The following ARHGEF7 variants were observed in gnomAD, a reference collection of about 807,000 sequenced individuals.
The protein encoded by ARHGEF7 is PAK-interacting exchange factor beta.
ARHGEF7 carries 33 observed loss-of-function variants against 109.8 expected under a neutral mutation model. That is an observed-to-expected ratio of 0.30 (90% CI 0.23 to 0.40). The LOEUF is 0.40. Ranked by LOEUF, ARHGEF7 falls within the 10% of genes least tolerant of loss-of-function variation. The probability of loss-of-function intolerance (pLI) is 1.00; values close to 1 mark genes in which losing one functional copy is unlikely to be tolerated. For synonymous variants in ARHGEF7, 458 were observed against 424.6 expected, an observed-to-expected ratio of 1.08 and a Z score of -0.97; for missense variants, 938 against 1,098.5, an observed-to-expected ratio of 0.85 and a Z score of 2.07.
chr13:111,155,162 C>T (rs566629680), intron 2 of ARHGEF7, among the ~76,000 whole-genome samples: 1 of 152,276 alleles, frequency 6.6e-6, no homozygotes, highest in African/African-American at 2.4e-5. Context: ...TTGGTATCCA[C>T]CGGGATCCTG....
In ARHGEF7 at chr13:111,205,311, A is replaced by T; in HGVS notation, c.275A>T (p.Tyr92Phe). 1 of 1,602,820 alleles carries T rather than the reference A, an allele frequency of 6.2e-7. No homozygotes were observed. Among genetic ancestry groups the T allele is most frequent in the Non-Finnish European group, 8.5e-7 (1 of 1,177,502 alleles). The change falls in exon 3 of 22, where the codon TAT becomes TTT. Residue 92 changes from tyrosine to phenylalanine, a missense_variant. By Grantham distance (22) the Tyr-to-Phe change is conservative. Around this residue, in one of 4 missense-constraint regions of ARHGEF7, gnomAD observed 165 missense variants for 125.8 expected, o/e 1.31. Transcript: ENST00000646102. ...RLETFDANDL[Y>F]QGQNFNKVLS... Reference sequence around the variant, plus strand: ...CAGACGTTTGATGCAAATGATTTGTATCAGGGGCAGAATTTTAACAAGGTC... The same window carrying T: ...CAGACGTTTGATGCAAATGATTTGTTTCAGGGGCAGAATTTTAACAAGGTC...
In ARHGEF7 at chr13:111,254,592, G is replaced by C. The variant is rs147769189; in HGVS notation, c.950+10298G>C. 6.4e-3 allele frequency among the ~76,000 whole-genome samples: 953 copies of C among 148,826 alleles called. 30 individuals carry two copies. Among genetic ancestry groups the C allele is most frequent in the African/African-American group, 0.022 (874 of 39,090 alleles). On this transcript the variant is annotated intron_variant, in intron 8 of 21. Transcript: ENST00000646102. ...ACTAACGTGAAGGCTGGCCTCAGAA[G>C]AGGATTCGGGCTAAGGCGCTGAGTC...
At chr13:111,159,109 A>G (rs1232679019) in intron 2 of ARHGEF7, 1 of 717,548 alleles carries the variant, frequency 1.4e-6, no homozygotes. Context: ...GCTTTTTTAC[A>G]CTTTACATAT....
rs767894678 is a variant in ARHGEF7 at position 111,115,655 on chromosome 13, G to A, written c.129G>A (p.Arg43=). The change falls in exon 1 of 22, where the codon AGG becomes AGA. Residue 43 remains arginine, a synonymous_variant. Transcript: ENST00000646102. ...ASLKDGVVLC[R]LLERLLPGTI... is the part of the protein sequence containing the mutation. ...TGAAGGATGGGGTGGTCCTCTGCAGGCTGCTGGAGCGCCTGCTCCCCGGGA... is the reference window on the plus strand; with the variant it reads ...TGAAGGATGGGGTGGTCCTCTGCAGACTGCTGGAGCGCCTGCTCCCCGGGA... The A allele has an allele frequency of 1.5e-6, 2 of 1,334,232 alleles. No individual in the cohort carries two copies. Among genetic ancestry groups the A allele is most frequent in the Admixed American group, 2.8e-5 (1 of 35,202 alleles). The allele number at this position is 1,334,232 out of a possible 1,614,324, so 82.6% of individuals were successfully genotyped here.
At chr13:111,246,993 T>C (rs540284279) in intron 8 of ARHGEF7, among the ~76,000 whole-genome samples, 2 of 152,348 alleles carry the variant, frequency 1.3e-5, no homozygotes, top group African/African-American at 4.8e-5. Flanking sequence ...TCAGTCCTTA[T>C]GTTATCTCAG....
chr13:111,301,351 A>G (rs2093562161), intron 20 of ARHGEF7, 127 bp from the exon 21 acceptor site: 1 of 751,574 alleles, frequency 1.3e-6, no homozygotes, highest in African/African-American at 1.8e-5. Flanking sequence ...GAATGTAGAC[A>G]GTACATGGGT....
chr13:111,280,361 C>T lies in ARHGEF7; in HGVS notation c.1585+11C>T, dbSNP rs1567061995. The T allele has an allele frequency of 1.2e-6, 2 of 1,612,104 alleles. No homozygotes were observed. The highest frequency in any genetic ancestry group is 1.1e-5 in the South Asian group (1 of 90,784). The stretch of plus-strand genomic sequence containing the variant: ...CATTTGAAATATCAGGTGATAGGCA[C>T]AAGCTGTGTGAGTGCTGTGTCTCGG... On this transcript the variant is annotated intron_variant, in intron 14 of 21. Coordinates refer to ENST00000646102, the MANE Select transcript of ARHGEF7 (RefSeq NM_001354046.2).
At position 111,239,480 on chromosome 13, in the gene ARHGEF7, G is replaced by T. The variant is rs776900129; in HGVS notation, c.760-4392G>T. Reference sequence around the variant, plus strand: ...AGGAGGAAAACCTGAGCCTCCTGGTGACAGGGTGTCTTCGGTCTCCATCCA... The same window carrying T: ...AGGAGGAAAACCTGAGCCTCCTGGTTACAGGGTGTCTTCGGTCTCCATCCA... On this transcript the variant is annotated intron_variant, in intron 6 of 21. Transcript: ENST00000646102. The surrounding 1 kb of genome is among the most constrained non-coding windows in gnomAD (Gnocchi z 4.3). Among the ~76,000 whole-genome samples the T allele has an allele frequency of 1.3e-5, 2 of 152,148 alleles. No homozygotes were observed. Among genetic ancestry groups the T allele is most frequent in the Non-Finnish European group, 2.9e-5 (2 of 68,024 alleles).
intron 4 of ARHGEF7, among the ~76,000 whole-genome samples, chr13:111,212,134 C>A (rs1291139555): frequency 1.3e-5 from 2 of 152,188 alleles, no homozygotes; most frequent in East Asian, 3.9e-4. Context: ...CCGTCAGCCC[C>A]CTGCCTCGGG....
chr13:111,297,414 C>A (rs2093451546), intron 19 of ARHGEF7, among the ~76,000 whole-genome samples: 1 of 152,220 alleles, frequency 6.6e-6, no homozygotes, highest in Non-Finnish European at 1.5e-5. Context: ...TTCTCGCATG[C>A]TTTAAGTGTA....
chr13:111,244,172 G>T, intron 7 of ARHGEF7, 27 bp from the exon 8 acceptor site: 1 of 1,499,952 alleles, frequency 6.7e-7, no homozygotes, highest in South Asian at 1.2e-5. Flanking sequence ...GTTTACATAT[G>T]TTTACTGTTA....
intron 2 of ARHGEF7, among the ~76,000 whole-genome samples, chr13:111,176,199 G>A (rs2078145828): frequency 6.6e-6 from 1 of 152,186 alleles, no homozygotes; most frequent in Non-Finnish European, 1.5e-5. Flanking sequence ...TGATGGAAGT[G>A]TGGATTTTAG....
intron 1 of ARHGEF7, among the ~76,000 whole-genome samples, chr13:111,141,358 GTTT>G (rs34639240): frequency 6.8e-6 from 1 of 146,940 alleles, no homozygotes; most frequent in African/African-American, 2.5e-5. Context: ...CCGTCCCCAT[GTTT>G]TTTTTTTTTA....
chr13:111,283,095 C>T (rs757631134), intron 15 of ARHGEF7, 44 bp from the exon 16 acceptor site: 16 of 1,550,080 alleles, frequency 1.0e-5, no homozygotes, highest in South Asian at 8.3e-5. Context: ...GGTGAGCACG[C>T]GAGTCTCATG....
At chr13:111,171,696 G>A (rs555149309) in intron 2 of ARHGEF7, among the ~76,000 whole-genome samples, 41 of 152,318 alleles carry the variant, frequency 2.7e-4, no homozygotes, top group African/African-American at 7.5e-4. Flanking sequence ...AGAGAAAAAG[G>A]AATGAGCCTC....
intron 2 of ARHGEF7, among the ~76,000 whole-genome samples, chr13:111,181,875 C>T (rs996323641): frequency 6.6e-6 from 1 of 152,236 alleles, no homozygotes; most frequent in African/African-American, 2.4e-5. Context: ...AGACATCATG[C>T]AGGTAATGCT....
intron 2 of ARHGEF7, among the ~76,000 whole-genome samples, chr13:111,165,592 A>G (rs2077064348): frequency 6.6e-6 from 1 of 152,196 alleles, no homozygotes; most frequent in South Asian, 2.1e-4. Context: ...GTTTATCTGC[A>G]TCCCTTCCCC....
chr13:111,172,035 G>A (rs117375419), intron 2 of ARHGEF7, among the ~76,000 whole-genome samples: 5,892 of 152,272 alleles, frequency 0.039, 157 homozygotes, highest in Middle Eastern at 0.078. Context: ...CCAGGTTATG[G>A]TATTTTCTTA....
intron 1 of ARHGEF7, among the ~76,000 whole-genome samples, chr13:111,124,151 C>T (rs565790581): frequency 6.6e-6 from 1 of 152,286 alleles, no homozygotes. Context: ...TGTGAACATT[C>T]ATTACAGTTT....
Sources: gnomAD v4.1 joint callset for allele counts (sites outside exome capture counted in the v4.1 genomes callset) on GRCh38, gnomAD v4.1.1 for gene constraint, gnomAD v4.1.1 regional missense constraint, Gnocchi (gnomAD v3.1) non-coding constraint, MANE v1.5 for transcripts, NCBI Gene and HGNC (gene_info 2026-07-23, HGNC 2026-07-21) for gene names.